PHLPP1: variants seen among roughly 807,000 people sequenced by gnomAD.
PHLPP1 encodes the protein PH domain leucine-rich repeat-containing protein phosphatase 1.
In PHLPP1, 42 loss-of-function variants were observed where a neutral mutation model predicts 117.2. That is an observed-to-expected ratio of 0.36 (90% CI 0.28 to 0.46). The LOEUF (loss-of-function observed/expected upper bound fraction) is 0.46, where lower values mean the gene tolerates loss of function less well. Among genes scored for constraint, PHLPP1 ranks in the 20% least tolerant of loss-of-function variants. The probability of loss-of-function intolerance (pLI) is 1.00; values close to 1 mark genes in which losing one functional copy is unlikely to be tolerated. For missense variants in PHLPP1, 2,084 were observed against 2,241.9 expected, an observed-to-expected ratio of 0.93 and a Z score of 1.42; for synonymous variants, 1,042 against 970.7, an observed-to-expected ratio of 1.07 and a Z score of -1.37.
At chr18:62,867,962 C>T (rs954210544) in intron 4 of PHLPP1, among the ~76,000 whole-genome samples, 2 of 152,088 alleles carry the variant, frequency 1.3e-5, no homozygotes, top group Non-Finnish European at 2.9e-5. Flanking sequence ...CAGGCGCCCA[C>T]CACCACGCCC....
chr18:62,978,153 C>T lies in PHLPP1; in HGVS notation c.3985-109C>T, dbSNP rs757522002. On this transcript the variant is annotated intron_variant, in intron 16 of 16. Coordinates refer to ENST00000262719, the MANE Select transcript of PHLPP1 (RefSeq NM_194449.4). The surrounding 1 kb of genome is among the most constrained non-coding windows in gnomAD (Gnocchi z 7.0). The stretch of plus-strand genomic sequence containing the variant: ...TCTTTCCTCTGTGGGCCACACAGCA[C>T]TTCTCTGTGGTCCTACAGTCGAGAC... 1.6e-6 allele frequency: 1 copy of T among 638,618 alleles called. No individual in the cohort carries two copies. The allele number at this position is 638,618 out of a possible 1,614,324, so 39.6% of individuals were successfully genotyped here.
chr18:62,778,378 T>G (rs1252749805), intron 1 of PHLPP1, among the ~76,000 whole-genome samples: 4 of 152,158 alleles, frequency 2.6e-5, no homozygotes, highest in Non-Finnish European at 4.4e-5. Context: ...GGGGCTAACT[T>G]AAAGAGAATA....
intron 1 of PHLPP1, among the ~76,000 whole-genome samples, chr18:62,782,233 G>A (rs1404767554): frequency 6.6e-6 from 1 of 152,254 alleles, no homozygotes; most frequent in Non-Finnish European, 1.5e-5. Context: ...GAGTCTGCCT[G>A]TGCAGGTGTC....
At chr18:62,882,262 A>G (rs949884487) in intron 4 of PHLPP1, among the ~76,000 whole-genome samples, 1 of 150,846 alleles carries the variant, frequency 6.6e-6, no homozygotes, top group Non-Finnish European at 1.5e-5. Flanking sequence ...TCATTCATTC[A>G]CTTAACTATT....
intron 10 of PHLPP1, among the ~76,000 whole-genome samples, chr18:62,937,943 C>T (rs761885183): frequency 5.3e-5 from 8 of 152,088 alleles, no homozygotes; most frequent in African/African-American, 7.2e-5. Flanking sequence ...ACCTGGGAGG[C>T]GGAGGTTGCT....
At chr18:62,781,335 C>A (rs1364166344) in intron 1 of PHLPP1, among the ~76,000 whole-genome samples, 1 of 152,194 alleles carries the variant, frequency 6.6e-6, no homozygotes, top group Non-Finnish European at 1.5e-5. Flanking sequence ...TCATGTCTTG[C>A]CTTAATGTGG....
At chr18:62,842,410 C>T (rs1164761183) in intron 3 of PHLPP1, among the ~76,000 whole-genome samples, 1 of 151,970 alleles carries the variant, frequency 6.6e-6, no homozygotes, top group Admixed American at 6.6e-5. Context: ...GTCGCTGAGC[C>T]TGGAGTGCAG....
At chr18:62,968,332 C>T (rs1910960567) in intron 14 of PHLPP1, among the ~76,000 whole-genome samples, 1 of 151,926 alleles carries the variant, frequency 6.6e-6, no homozygotes, top group Admixed American at 6.6e-5. Flanking sequence ...GGTAATATAG[C>T]CTTCTTAAAT....
In PHLPP1 at chr18:62,963,424, C is replaced by T. The variant is rs750424922; in HGVS notation, c.3512C>T (p.Pro1171Leu). The T allele has an allele frequency of 4.3e-6, 7 of 1,613,348 alleles. No individual in the cohort carries two copies. The highest frequency in any genetic ancestry group is 1.7e-5 in the Admixed American group (1 of 59,954). ...TCTACAGGAGACGCTTCCGGAGCCC[C>T]AGCTGTATGGAGTCATGGTTACACT... Reference protein sequence around the residue: ...QPSTGDASGAPAVWSHGYTEA... With the variant: ...QPSTGDASGALAVWSHGYTEA... Residue 1171 changes from proline (P) to leucine (L), a missense_variant, in exon 14 of 17, where the codon CCA (proline) becomes CTA (leucine). Physicochemically the swap from Pro to Leu is moderately conservative, Grantham distance 98. This residue lies in a region of PHLPP1 where 1,365 missense variants were observed against 1,605.9 expected (regional missense o/e 0.85). Coordinates refer to ENST00000262719, the MANE Select transcript of PHLPP1 (RefSeq NM_194449.4).
At chr18:62,760,150 T>C (rs2070547332) in intron 1 of PHLPP1, among the ~76,000 whole-genome samples, 1 of 152,208 alleles carries the variant, frequency 6.6e-6, no homozygotes, top group African/African-American at 2.4e-5. Flanking sequence ...TGTTTAATTT[T>C]TAAAAATTAA....
At chr18:62,969,613 C>T (rs1910996096) in intron 14 of PHLPP1, among the ~76,000 whole-genome samples, 1 of 152,120 alleles carries the variant, frequency 6.6e-6, no homozygotes, top group South Asian at 2.1e-4. Context: ...TCTGTTTCTC[C>T]TTGTAGTTCT....
At chr18:62,751,545 C>T (rs1005714799) in intron 1 of PHLPP1, among the ~76,000 whole-genome samples, 4 of 152,198 alleles carry the variant, frequency 2.6e-5, no homozygotes, top group African/African-American at 9.7e-5. Flanking sequence ...CCTAATTATA[C>T]TGTAAAAGAA....
At chr18:62,809,441 C>G (rs1599058718) in intron 1 of PHLPP1, among the ~76,000 whole-genome samples, 1 of 152,186 alleles carries the variant, frequency 6.6e-6, no homozygotes, top group East Asian at 1.9e-4. Flanking sequence ...TGGCTTATGC[C>G]TGTAATCCCA....
intron 1 of PHLPP1, among the ~76,000 whole-genome samples, chr18:62,799,491 CAT>C (rs1285176470): frequency 1.3e-5 from 2 of 152,204 alleles, no homozygotes; most frequent in Non-Finnish European, 2.9e-5. Context: ...GAGTTCATCT[CAT>C]AGAATCTATG....
chr18:62,744,838 C>T (rs1034717603), intron 1 of PHLPP1, among the ~76,000 whole-genome samples: 12 of 151,682 alleles, frequency 7.9e-5, no homozygotes, highest in Non-Finnish European at 1.8e-4. Flanking sequence ...ACATGTTTAG[C>T]TTAGACATTA....
chr18:62,882,593 A>C (rs1357039428), intron 4 of PHLPP1, among the ~76,000 whole-genome samples: 1 of 152,194 alleles, frequency 6.6e-6, no homozygotes, highest in African/African-American at 2.4e-5. Context: ...GAGCAAGTAT[A>C]TTCAATACAC....
At chr18:62,795,440 C>T (rs1913599739) in intron 1 of PHLPP1, among the ~76,000 whole-genome samples, 2 of 143,718 alleles carry the variant, frequency 1.4e-5, no homozygotes, top group Non-Finnish European at 3.0e-5. Context: ...CCGAGCCAAG[C>T]TGAGATCACA....
intron 10 of PHLPP1, among the ~76,000 whole-genome samples, chr18:62,941,066 C>A (rs1910119031): frequency 6.6e-6 from 1 of 152,146 alleles, no homozygotes; most frequent in African/African-American, 2.4e-5. Flanking sequence ...CCTGTTGATA[C>A]ATGTTGTTTT....
At chr18:62,817,037 G>T (rs1275955039) in intron 1 of PHLPP1, among the ~76,000 whole-genome samples, 2 of 152,144 alleles carry the variant, frequency 1.3e-5, no homozygotes, top group Non-Finnish European at 2.9e-5. Context: ...ACCTTCCTGG[G>T]CTCAGATGAT....
Sources: gnomAD v4.1 joint callset for allele counts (sites outside exome capture counted in the v4.1 genomes callset) on GRCh38, gnomAD v4.1.1 for gene constraint, gnomAD v4.1.1 regional missense constraint, Gnocchi (gnomAD v3.1) non-coding constraint, MANE v1.5 for transcripts, NCBI Gene and HGNC (gene_info 2026-07-23, HGNC 2026-07-21) for gene names.